The following PTPRN2 variants were observed in gnomAD, a reference collection of about 807,000 sequenced individuals.
PTPRN2 encodes the protein protein tyrosine phosphatase receptor type N2.
Under a neutral mutation model 118.8 loss-of-function variants are expected in PTPRN2, and 74 were observed. The ratio of observed to expected loss-of-function variants is 0.62; its 90% CI spans 0.52 to 0.76. The LOEUF (loss-of-function observed/expected upper bound fraction) is 0.76. Among genes scored for constraint, PTPRN2 ranks in the 30% least tolerant of loss-of-function variants. PTPRN2 has a pLI of 0.00. For synonymous variants in PTPRN2, 641 were observed against 608.0 expected, an observed-to-expected ratio of 1.05 and a Z score of -0.80; for missense variants, 1,481 against 1,394.4, an observed-to-expected ratio of 1.06 and a Z score of -0.99.
At chr7:158,184,239 G>T (rs960699968) in intron 5 of PTPRN2, among the ~76,000 whole-genome samples, 1 of 151,946 alleles carries the variant, frequency 6.6e-6, no homozygotes, top group Admixed American at 6.6e-5. Flanking sequence ...TGAGTCTTTA[G>T]ACACATGACC....
chr7:158,340,595 C>A (rs1289364630), intron 2 of PTPRN2, among the ~76,000 whole-genome samples: 1 of 113,916 alleles, frequency 8.8e-6, no homozygotes, highest in Non-Finnish European at 1.9e-5. Flanking sequence ...CGCCCGCAGA[C>A]ATCACTCACA....
At chr7:158,331,734 A>T (rs1804496571) in intron 2 of PTPRN2, among the ~76,000 whole-genome samples, 2 of 150,806 alleles carry the variant, frequency 1.3e-5, no homozygotes, top group Non-Finnish European at 2.9e-5. Context: ...ATAAGAGCTG[A>T]CACCTGCAGA....
intron 11 of PTPRN2, among the ~76,000 whole-genome samples, chr7:157,985,692 C>T (rs1803728051): frequency 6.6e-6 from 1 of 152,212 alleles, no homozygotes; most frequent in Admixed American, 6.5e-5. Flanking sequence ...TTAAACTTCT[C>T]TGTGTAGATA....
Position 158,508,209 on chromosome 7 carries a change from G to T in PTPRN2, c.113-18424C>A, listed in dbSNP as rs72505573. Among the ~76,000 whole-genome samples, 372 of 152,302 alleles carry T rather than the reference G, an allele frequency of 2.4e-3. 9 individuals are homozygous for T. In the East Asian group the frequency reaches 0.034, roughly 14 times the overall value. ...GACCACAGGCATGGAGGTCAGTGAG[G>T]ACCGTCCAGGGGACAGCCCCACGCT... On this transcript the variant is annotated intron_variant, in intron 1 of 22. Transcript: ENST00000389418.
chr7:158,291,137 T>G (rs907535944), intron 3 of PTPRN2, among the ~76,000 whole-genome samples: 1 of 152,210 alleles, frequency 6.6e-6, no homozygotes, highest in Non-Finnish European at 1.5e-5. Context: ...CCACCCCACT[T>G]GGTGATGATG....
At chr7:158,234,766 CT>C (rs935170968) in intron 3 of PTPRN2, among the ~76,000 whole-genome samples, 2 of 151,758 alleles carry the variant, frequency 1.3e-5, no homozygotes, top group African/African-American at 4.8e-5. Flanking sequence ...GTTAAAATGG[CT>C]TTTTTTTTCT....
intron 11 of PTPRN2, among the ~76,000 whole-genome samples, chr7:157,926,486 T>G (rs990429493): frequency 3.9e-5 from 6 of 152,230 alleles, no homozygotes; most frequent in African/African-American, 1.4e-4. Context: ...ATTGCCAAAT[T>G]AAAAACAATT....
intron 12 of PTPRN2, among the ~76,000 whole-genome samples, chr7:157,790,019 A>T (rs1161478591): frequency 1.6e-4 from 1 of 6,210 alleles, no homozygotes; most frequent in Non-Finnish European, 2.9e-4. Flanking sequence ...GTGTGGTGTG[A>T]ATGTGTGTGT....
chr7:158,264,228 G>A (rs746430402), intron 3 of PTPRN2, among the ~76,000 whole-genome samples: 4 of 152,284 alleles, frequency 2.6e-5, no homozygotes, highest in East Asian at 1.9e-4. Context: ...TGAAAATGTC[G>A]TGGTAGAAAT....
intron 1 of PTPRN2, among the ~76,000 whole-genome samples, chr7:158,562,199 C>T (rs973151507): frequency 6.6e-6 from 1 of 152,216 alleles, no homozygotes; most frequent in Non-Finnish European, 1.5e-5. Context: ...GGAGACTCGG[C>T]ATCCCAAGGT....
rs1055859204 is a variant in PTPRN2, at chr7:157,987,520, G to A, written c.1724-88783C>T. On this transcript the variant is annotated intron_variant, in intron 11 of 22. Transcript: ENST00000389418. This position sits in a 1 kb window ranked among gnomAD's most constrained non-coding sequence, Gnocchi z 4.3. ...GTCAGTCATTATCTCTTGCATAAGA[G>A]ACTTCCCAGGGGCAGAGCAGACCCG... 6.6e-6 allele frequency among the ~76,000 whole-genome samples: 1 copy of A among 152,140 alleles called. No individual in the cohort carries two copies. The highest frequency in any genetic ancestry group is 2.4e-5 in the African/African-American group (1 of 41,422).
chr7:158,087,267 G>A lies in PTPRN2; in HGVS notation c.1644-5890C>T, dbSNP rs78201647. On this transcript the variant is annotated intron_variant, in intron 10 of 22. Transcript: ENST00000389418. ...TCAGGGAGCCTGGTTGCTTTCCTTC[G>A]GGAATGACGTGGTTGATACAAGGGA... Among the ~76,000 whole-genome samples the A allele has an allele frequency of 3.6e-3, 541 of 152,332 alleles. 11 individuals are homozygous for A. The East Asian group carries it at 0.06, about 17-fold the overall frequency.
In PTPRN2 at chr7:158,133,970, G is replaced by A. The variant is rs555402048; in HGVS notation, c.1263C>T (p.Leu421=). The stretch of plus-strand genomic sequence containing the variant: ...GCTCGGACTTCTTCCTCTCCATGTC[G>A]AGGGGCCTTGCAAAGGGGAGGGCTC... ...LPGALPFARP[L]DMERKKSEHP... is the part of the protein sequence containing the mutation. Residue 421 remains leucine (L), a synonymous_variant, in exon 9 of 23, where the codon CTC becomes CTT. Coordinates refer to ENST00000389418, the MANE Select transcript of PTPRN2 (RefSeq NM_002847.5). The A allele has an allele frequency of 3.1e-6, 5 of 1,613,992 alleles. No homozygotes were observed. Among genetic ancestry groups the A allele is most frequent in the African/African-American group, 1.3e-5 (1 of 75,062 alleles).
intron 12 of PTPRN2, among the ~76,000 whole-genome samples, chr7:157,734,392 A>G (rs147219103): frequency 6.6e-6 from 1 of 152,374 alleles, no homozygotes; most frequent in East Asian, 1.9e-4. Flanking sequence ...GGTACTGTCA[A>G]TGTTTGTTCC....
At chr7:158,223,236 T>C (rs548238338) in intron 3 of PTPRN2, among the ~76,000 whole-genome samples, 100 of 152,294 alleles carry the variant, frequency 6.6e-4, no homozygotes, top group African/African-American at 2.4e-3. Context: ...CAAAGAATTA[T>C]ACCAAACATT....
chr7:158,205,364 T>A, intron 3 of PTPRN2, 91 bp from the exon 4 acceptor site: 1 of 896,296 alleles, frequency 1.1e-6, no homozygotes, highest in Non-Finnish European at 1.8e-6. Context: ...CATTTCAGCA[T>A]TAAGTTGATG....
intron 12 of PTPRN2, among the ~76,000 whole-genome samples, chr7:157,683,991 C>T (rs1417441964): frequency 6.6e-6 from 1 of 152,084 alleles, no homozygotes; most frequent in East Asian, 1.9e-4. Flanking sequence ...GCCTGGCCGG[C>T]CTATTCATTA....
chr7:158,108,455 C>T (rs1815875170), intron 10 of PTPRN2, among the ~76,000 whole-genome samples: 1 of 152,132 alleles, frequency 6.6e-6, no homozygotes, highest in African/African-American at 2.4e-5. Flanking sequence ...CTGAGCAGTC[C>T]TACCTGGCCT....
chr7:158,325,882 C>T (rs1803468880), intron 2 of PTPRN2, among the ~76,000 whole-genome samples: 2 of 152,268 alleles, frequency 1.3e-5, no homozygotes. Context: ...TGCATCCGCT[C>T]TTGCGGCTGC....
Sources: allele counts gnomAD v4.1 joint callset (sites outside exome capture counted in the v4.1 genomes callset), GRCh38; gene constraint gnomAD v4.1.1; non-coding constraint Gnocchi (gnomAD v3.1); transcripts MANE v1.5; gene names NCBI Gene and HGNC (gene_info 2026-07-23, HGNC 2026-07-21).